Variants in CRYBG1 observed in about 807,000 individuals in gnomAD.
The protein encoded by CRYBG1 is beta/gamma crystallin domain-containing protein 1.
In CRYBG1, 139 loss-of-function variants were observed where a neutral mutation model predicts 189.2. The observed-to-expected ratio is 0.73, with a 90% CI of 0.64 to 0.85. The LOEUF (loss-of-function observed/expected upper bound fraction) is 0.85, where lower values mean the gene tolerates loss of function less well. CRYBG1 is among the 40% of genes least tolerant of loss of function. The probability of loss-of-function intolerance (pLI) is 0.00; values close to 1 mark genes in which losing one functional copy is unlikely to be tolerated. For synonymous variants in CRYBG1, 1,023 were observed against 1,017.1 expected, an observed-to-expected ratio of 1.01 and a Z score of -0.11; for missense variants, 2,611 against 2,675.8, an observed-to-expected ratio of 0.98 and a Z score of 0.53.
intron 3 of CRYBG1, among the ~76,000 whole-genome samples, chr6:106,514,098 C>T (rs754705145): frequency 1.3e-5 from 2 of 152,166 alleles, no homozygotes; most frequent in Admixed American, 6.5e-5. Flanking sequence ...GAAGTGCTAG[C>T]GAGCAAGAAA....
chr6:106,488,358 A>G (rs939566725), intron 2 of CRYBG1, among the ~76,000 whole-genome samples: 1 of 152,210 alleles, frequency 6.6e-6, no homozygotes, highest in Non-Finnish European at 1.5e-5. Flanking sequence ...CAGGGAAGAC[A>G]TAAATGGCCT....
intron 2 of CRYBG1, among the ~76,000 whole-genome samples, chr6:106,465,123 A>C (rs1772086050): frequency 6.6e-6 from 1 of 152,194 alleles, no homozygotes; most frequent in Non-Finnish European, 1.5e-5. Flanking sequence ...GTTCTCATGG[A>C]ATTTTGTAAT....
At position 106,560,899 on chromosome 6, in the gene CRYBG1, A is replaced by T. The variant is rs759810375; in HGVS notation, c.5952A>T (p.Gln1984His). Residue 1984 changes from glutamine to histidine, a missense_variant, in exon 19 of 22, where the codon CAA (glutamine) becomes CAT (histidine). Around this residue, in one of 3 missense-constraint regions of CRYBG1, gnomAD observed 1,622 missense variants for 1,735.0 expected, o/e 0.93. Coordinates refer to ENST00000633556, the MANE Select transcript of CRYBG1 (RefSeq NM_001371242.2). ...PNWYEFSGCR[Q>H]IGSLRPFVQK... is the part of the protein sequence containing the mutation. ...GGTATGAATTCAGTGGCTGTCGCCA[A>T]ATAGGTTCTCTACGACCTTTTGTTC... 6.2e-7 allele frequency: 1 copy of T among 1,612,492 alleles called. No homozygotes were observed. The highest frequency in any genetic ancestry group is 1.3e-5 in the African/African-American group (1 of 74,870).
chr6:106,450,379 A>C (rs1254276825), intron 1 of CRYBG1, among the ~76,000 whole-genome samples: 1 of 152,192 alleles, frequency 6.6e-6, no homozygotes, highest in African/African-American at 2.4e-5. Context: ...GAAATCCCAC[A>C]AAAGCTTCCG....
intron 21 of CRYBG1, among the ~76,000 whole-genome samples, chr6:106,568,240 G>A (rs997434618): frequency 2.6e-5 from 4 of 152,218 alleles, no homozygotes; most frequent in Non-Finnish European, 5.9e-5. Context: ...GATGTCCTGT[G>A]TGAAGGTGCT....
intron 1 of CRYBG1, among the ~76,000 whole-genome samples, chr6:106,412,345 T>C (rs920307379): frequency 5.3e-5 from 8 of 152,266 alleles, no homozygotes; most frequent in African/African-American, 1.9e-4. Flanking sequence ...TAAAATTCTC[T>C]TTCTTGCTTT....
Position 106,502,430 on chromosome 6 carries a change from T to C in CRYBG1, c.313-9000T>C, listed in dbSNP as rs117277952. Among the ~76,000 whole-genome samples, 873 of 152,334 alleles carry C rather than the reference T, an allele frequency of 5.7e-3. 6 individuals carry two copies. The highest frequency in any genetic ancestry group is 9.6e-3 in the Non-Finnish European group (651 of 68,028). On this transcript the variant is annotated intron_variant, in intron 2 of 21. Transcript: ENST00000633556. ...TTTTAGTTAGGAACTAACTTGTCAG[T>C]AATTTGATTATGTTAATCAGGATAT...
At chr6:106,540,030 C>T (rs748833501) in intron 9 of CRYBG1, among the ~76,000 whole-genome samples, 3 of 151,924 alleles carry the variant, frequency 2.0e-5, no homozygotes. Context: ...GAGCAGGGCA[C>T]GCTGAGGACC....
chr6:106,401,404 T>TA (rs1770717090), intron 1 of CRYBG1, among the ~76,000 whole-genome samples: 1 of 80,256 alleles, frequency 1.2e-5, no homozygotes, highest in African/African-American at 4.2e-5. Context: ...TTTTTTTTTT[T>TA]AATTTTCTTT....
chr6:106,438,542 C>T (rs1024589025), intron 1 of CRYBG1, among the ~76,000 whole-genome samples: 2 of 152,180 alleles, frequency 1.3e-5, no homozygotes, highest in Admixed American at 6.5e-5. Context: ...CCCACTGCGT[C>T]ACTCCAGTCT....
chr6:106,380,444 T>G (rs915836718), intron 1 of CRYBG1, among the ~76,000 whole-genome samples: 1 of 152,182 alleles, frequency 6.6e-6, no homozygotes, highest in Non-Finnish European at 1.5e-5. Context: ...AGAGGGCTGA[T>G]GGACTAGCCA....
At chr6:106,473,998 C>G (rs1269766329) in intron 2 of CRYBG1, among the ~76,000 whole-genome samples, 2 of 152,216 alleles carry the variant, frequency 1.3e-5, no homozygotes, top group East Asian at 1.9e-4. Context: ...GAGAATATGA[C>G]TACATTTGCC....
intron 7 of CRYBG1, 68 bp from the exon 8 acceptor site, chr6:106,530,108 G>A: frequency 1.5e-6 from 2 of 1,352,976 alleles, no homozygotes; most frequent in Non-Finnish European, 2.0e-6. Context: ...AGAAGAAGAA[G>A]AATGAGCTTA....
chr6:106,530,247 TG>T lies in CRYBG1; in HGVS notation c.4651del (p.Asp1551IlefsTer10). The T allele has an allele frequency of 6.2e-7, 1 of 1,613,948 alleles. No individual in the cohort carries two copies. The part of the protein sequence containing the change: ...GLGILSSYFD[D>X]TEEMQGFGVM... ...TAGGAATCCTAAGTTCCTACTTTGATGATACTGAAGAAATGCAGGGATTTGG... is the reference window on the plus strand; with the variant it reads ...TAGGAATCCTAAGTTCCTACTTTGATATACTGAAGAAATGCAGGGATTTGG... On this transcript the variant is annotated frameshift_variant, in exon 8 of 22. Transcript: ENST00000633556. LOFTEE classifies it high-confidence loss of function.
chr6:106,561,271 G>C lies in CRYBG1; in HGVS notation c.5980-71G>C. ...CCATATCTCACTTTGGATTCTTCCT[G>C]ATATTCATGCTTGTTCAGTGCTTCC... On this transcript the variant is annotated intron_variant, in intron 19 of 21. Transcript: ENST00000633556. The C allele has an allele frequency of 2.0e-6, 3 of 1,500,724 alleles. No individual in the cohort carries two copies. In the South Asian group the frequency reaches 3.7e-5, roughly 19 times the overall value. 93.0% of individuals were successfully genotyped at this position (1,500,724 alleles called of 1,614,324 possible).
In CRYBG1 at chr6:106,459,561, T is replaced by TTA. The variant is rs56784084; in HGVS notation, c.312+7729_312+7730insTA. On this transcript the variant is annotated intron_variant, in intron 2 of 21. Coordinates refer to ENST00000633556, the MANE Select transcript of CRYBG1 (RefSeq NM_001371242.2). ...CATTTGTGGGTTTTTTTTTTTTTTTTACTAAGAAATCTTTGTGATCATCTT... is the reference window on the plus strand; with the variant it reads ...CATTTGTGGGTTTTTTTTTTTTTTTTTAACTAAGAAATCTTTGTGATCATCTT... Among the ~76,000 whole-genome samples the TTA allele has an allele frequency of 9.3e-5, 14 of 149,928 alleles. No homozygotes were observed. The East Asian group carries it at 1.9e-3, about 21-fold the overall frequency.
intron 8 of CRYBG1, among the ~76,000 whole-genome samples, chr6:106,538,443 CT>C (rs1774053954): frequency 1.3e-5 from 2 of 152,104 alleles, no homozygotes; most frequent in Non-Finnish European, 2.9e-5. Context: ...ACTCAAAAAG[CT>C]TTGTGGCCTG....
At chr6:106,401,255 T>C (rs1770713860) in intron 1 of CRYBG1, among the ~76,000 whole-genome samples, 1 of 152,200 alleles carries the variant, frequency 6.6e-6, no homozygotes, top group African/African-American at 2.4e-5. Context: ...GACTGGTGAA[T>C]GCTTTGGACT....
chr6:106,403,260 C>G (rs957257184), intron 1 of CRYBG1, among the ~76,000 whole-genome samples: 5 of 152,152 alleles, frequency 3.3e-5, no homozygotes, highest in Non-Finnish European at 5.9e-5. Flanking sequence ...TTACTTGAGC[C>G]CAAGGCTACA....
Sources: allele counts gnomAD v4.1 joint callset (sites outside exome capture counted in the v4.1 genomes callset), GRCh38; gene constraint gnomAD v4.1.1; regional missense constraint gnomAD v4.1.1; transcripts MANE v1.5; gene names NCBI Gene and HGNC (gene_info 2026-07-23, HGNC 2026-07-21).